LRRC37A2: variants seen among roughly 807,000 people sequenced by gnomAD.
The protein encoded by LRRC37A2 is leucine rich repeat containing 37 member A2.
A neutral mutation model predicts 68.8 loss-of-function variants in LRRC37A2; 9 were observed. The ratio of observed to expected loss-of-function variants is 0.13; its 90% confidence interval spans 0.08 to 0.23. The LOEUF (loss-of-function observed/expected upper bound fraction) is 0.23. Ranked by LOEUF, LRRC37A2 falls within the 10% of genes least tolerant of loss-of-function variation. LRRC37A2 has a pLI of 1.00. For synonymous variants in LRRC37A2, 63 were observed against 367.6 expected, an observed-to-expected ratio of 0.17 and a Z score of 9.48; for missense variants, 168 against 950.4, an observed-to-expected ratio of 0.18 and a Z score of 10.82.
chr17:46,818,614 G>A, the LRRC37A2 span: 4 of 1,583,224 alleles, frequency 2.5e-6, no homozygotes, highest in African/African-American at 1.3e-5. Context: ...AGGCGCCGAG[G>A]AGGAAGTTTG....
the LRRC37A2 span, among the ~76,000 whole-genome samples, chr17:46,826,161 G>C: frequency 3.3e-5 from 5 of 152,270 alleles, no homozygotes; most frequent in Admixed American, 2.6e-4. Context: ...AGATGGTGAA[G>C]AAATTTCTAG....
the LRRC37A2 span, chr17:46,934,930 C>G: frequency 9.6e-7 from 1 of 1,043,464 alleles, no homozygotes; most frequent in South Asian, 1.3e-5. Context: ...CCAGCCCCTC[C>G]GGCTGTTCTG....
At chr17:46,806,357 G>A in the LRRC37A2 span, among the ~76,000 whole-genome samples, 1 of 151,806 alleles carries the variant, frequency 6.6e-6, no homozygotes, top group African/African-American at 2.4e-5. Context: ...TTACAGGCAC[G>A]TGCCACCACG....
chr17:46,931,146 C>T, the LRRC37A2 span: 2 of 1,611,726 alleles, frequency 1.2e-6, no homozygotes, highest in Non-Finnish European at 1.7e-6. Flanking sequence ...ATTCAGCCGT[C>T]TAGAACGTCT....
At chr17:46,889,493 AC>A in the LRRC37A2 span, among the ~76,000 whole-genome samples, 2 of 152,210 alleles carry the variant, frequency 1.3e-5, no homozygotes, top group African/African-American at 4.8e-5. Context: ...AGACCAGCCA[AC>A]TGTCAGGGGT....
the LRRC37A2 span, among the ~76,000 whole-genome samples, chr17:46,898,907 C>A: frequency 6.6e-6 from 1 of 152,090 alleles, no homozygotes; most frequent in African/African-American, 2.4e-5. Context: ...CAATTGCATT[C>A]CTAGGTATTT....
chr17:46,954,414 TAC>T, the LRRC37A2 span, among the ~76,000 whole-genome samples: 3 of 152,260 alleles, frequency 2.0e-5, no homozygotes, highest in Non-Finnish European at 4.4e-5. Flanking sequence ...TTGGTACCAG[TAC>T]CATGCTGTTT....
At chr17:46,714,549 G>A in the LRRC37A2 span, among the ~76,000 whole-genome samples, 1 of 152,196 alleles carries the variant, frequency 6.6e-6, no homozygotes, top group Non-Finnish European at 1.5e-5. Context: ...CATCAGTGAA[G>A]TTAGAACAGC....
intron 3 of LRRC37A2, among the ~76,000 whole-genome samples, chr17:46,518,316 GGTTT>G (rs1317129436): frequency 6.7e-6 from 1 of 149,484 alleles, no homozygotes; most frequent in Non-Finnish European, 1.5e-5. Context: ...GATGCATCAT[GGTTT>G]ATTTAATAAT....
At chr17:46,493,694 C>A in the LRRC37A2 span, among the ~76,000 whole-genome samples, 4 of 149,668 alleles carry the variant, frequency 2.7e-5, no homozygotes, top group Non-Finnish European at 4.4e-5. Context: ...CCCGCCCCCA[C>A]GCCCAGCTAA....
the LRRC37A2 span, among the ~76,000 whole-genome samples, chr17:46,758,922 G>T: frequency 6.6e-6 from 1 of 152,248 alleles, no homozygotes; most frequent in African/African-American, 2.4e-5. Context: ...GTGACTGGGG[G>T]CAGCCGGGCG....
chr17:46,820,235 G>C, the LRRC37A2 span, among the ~76,000 whole-genome samples: 1 of 152,320 alleles, frequency 6.6e-6, no homozygotes, highest in African/African-American at 2.4e-5. Flanking sequence ...CGGGGAAATG[G>C]CCTCGGGGGC....
chr17:46,743,256 T>A, the LRRC37A2 span, among the ~76,000 whole-genome samples: 1 of 152,140 alleles, frequency 6.6e-6, no homozygotes, highest in Admixed American at 6.5e-5. Flanking sequence ...GAGAGGGATT[T>A]TCAGGCATCC....
chr17:46,815,935 A>G, the LRRC37A2 span, among the ~76,000 whole-genome samples: 7 of 152,188 alleles, frequency 4.6e-5, no homozygotes, highest in African/African-American at 2.4e-5. Flanking sequence ...CCCTGGGCCC[A>G]GCACCTGGGG....
At chr17:46,784,652 C>T in the LRRC37A2 span, among the ~76,000 whole-genome samples, 2 of 152,138 alleles carry the variant, frequency 1.3e-5, no homozygotes, top group African/African-American at 2.4e-5. Context: ...TGGCAGCAGG[C>T]GCCCAGGTCT....
the LRRC37A2 span, among the ~76,000 whole-genome samples, chr17:46,905,040 G>A: frequency 1.3e-5 from 2 of 152,110 alleles, no homozygotes; most frequent in African/African-American, 4.8e-5. Flanking sequence ...TTGGATAAAG[G>A]GGAATGGCAG....
chr17:46,708,280 C>T, the LRRC37A2 span, among the ~76,000 whole-genome samples: 137 of 152,220 alleles, frequency 9.0e-4, no homozygotes, highest in African/African-American at 3.1e-3. Context: ...CCGTTTTCCA[C>T]GGTGGCTGCA....
the LRRC37A2 span, among the ~76,000 whole-genome samples, chr17:46,823,092 T>C: frequency 7.6e-6 from 1 of 131,506 alleles, no homozygotes; most frequent in African/African-American, 2.9e-5. Context: ...AATAAATATG[T>C]ATTATATAAT....
At chr17:46,867,393 C>T in the LRRC37A2 span, among the ~76,000 whole-genome samples, 1 of 152,234 alleles carries the variant, frequency 6.6e-6, no homozygotes, top group Non-Finnish European at 1.5e-5. Context: ...CATCCCCTCT[C>T]ATGAGTTAAG....
Sources: allele counts gnomAD v4.1 joint callset (sites outside exome capture counted in the v4.1 genomes callset), GRCh38; gene constraint gnomAD v4.1.1; transcripts MANE v1.5; gene names NCBI Gene and HGNC (gene_info 2026-07-23, HGNC 2026-07-21).